Variants in POF1B observed in about 807,000 individuals in gnomAD.
The protein encoded by POF1B is POF1B actin binding protein, also known as protein POF1B.
Under a neutral mutation model 55.3 loss-of-function variants are expected in POF1B, and 53 were observed. The observed-to-expected ratio is 0.96, with a 90% CI of 0.77 to 1.20. POF1B has a LOEUF of 1.20. Among genes scored for constraint, POF1B ranks in the 50% most tolerant of loss-of-function variants. The pLI, the probability that POF1B is intolerant of heterozygous loss-of-function variation, is 0.00. For missense variants in POF1B, 478 were observed against 420.5 expected, an observed-to-expected ratio of 1.14 and a Z score of -1.20; for synonymous variants, 188 against 148.3, an observed-to-expected ratio of 1.27 and a Z score of -1.95.
chrX:85,296,131 T>C (rs1290371494), intron 15 of POF1B, among the ~76,000 whole-genome samples: 2 of 112,277 alleles, frequency 1.8e-5, no homozygotes, highest in African/African-American at 6.5e-5. Context: ...TGGGTGTCAC[T>C]GCCTGGGAGA....
intron 4 of POF1B, among the ~76,000 whole-genome samples, chrX:85,355,246 G>T (rs1933469335): frequency 9.0e-6 from 1 of 111,712 alleles, no homozygotes; most frequent in South Asian, 3.7e-4. Context: ...GGGAAAACTG[G>T]CTAGCCATAT....
chrX:85,376,028 C>G (rs1933914585), intron 2 of POF1B, among the ~76,000 whole-genome samples: 1 of 111,447 alleles, frequency 9.0e-6, no homozygotes, highest in South Asian at 3.8e-4. Context: ...GTATGTCTGT[C>G]CTAAAAATGA....
intron 15 of POF1B, among the ~76,000 whole-genome samples, chrX:85,299,200 T>C (rs1355144936): frequency 1.9e-5 from 2 of 104,892 alleles, no homozygotes; most frequent in African/African-American, 3.5e-5. Context: ...TCTTTTTTTT[T>C]TTTTTTTTTG....
intron 4 of POF1B, among the ~76,000 whole-genome samples, chrX:85,356,241 T>C (rs990979403): frequency 3.9e-5 from 4 of 102,619 alleles, no homozygotes; most frequent in Non-Finnish European, 5.9e-5. Context: ...TTCTCACTCA[T>C]AGGTGGGAAT....
In POF1B at chrX:85,379,348, G is replaced by C; in HGVS notation, c.107C>G (p.Ser36Ter). The change falls in exon 2 of 17, where the codon TCA (serine) becomes TGA (stop). Residue 36 changes from serine (S) to a stop codon, truncating the protein, a stop_gained. Coordinates refer to ENST00000262753, the MANE Select transcript of POF1B (RefSeq NM_024921.4). LOFTEE classifies it high-confidence loss of function. ...TTCTGGAGGCTGCTGGGCTTGGCTT[G>C]ACTGATGGTAGCAGTGGTAATGCTG... ...QPQHYHCYHQ[S>*]SQAQQPPEKN... is the part of the protein sequence containing the mutation. The C allele has an allele frequency of 8.3e-7, 1 of 1,210,263 alleles. No individual in the cohort carries two copies. The highest frequency in any genetic ancestry group is 3.0e-5 in the East Asian group (1 of 33,747).
At chrX:85,375,368 T>C (rs1358535787) in intron 2 of POF1B, among the ~76,000 whole-genome samples, 1 of 111,410 alleles carries the variant, frequency 9.0e-6, no homozygotes, top group Non-Finnish European at 1.9e-5. Flanking sequence ...CCCTCATATC[T>C]TGCCACACAC....
chrX:85,300,950 T>G (rs1932434007), intron 15 of POF1B, among the ~76,000 whole-genome samples: 4 of 111,677 alleles, frequency 3.6e-5, no homozygotes, highest in Admixed American at 1.9e-4. Flanking sequence ...ATCAACAAAT[T>G]GCAAAGAAGG....
At chrX:85,339,177 G>A (rs1195844912) in intron 6 of POF1B, among the ~76,000 whole-genome samples, 1 of 111,043 alleles carries the variant, frequency 9.0e-6, no homozygotes, top group Non-Finnish European at 1.9e-5. Flanking sequence ...ACCAAGCCAT[G>A]TCTTACATGG....
intron 5 of POF1B, among the ~76,000 whole-genome samples, chrX:85,346,249 G>A (rs959144752): frequency 9.2e-6 from 1 of 109,279 alleles, no homozygotes; most frequent in African/African-American, 3.3e-5. Context: ...TCAGGTTGTC[G>A]TGACCATCCG....
chrX:85,320,592 A>C (rs1748749412), intron 7 of POF1B, among the ~76,000 whole-genome samples: 2 of 111,731 alleles, frequency 1.8e-5, no homozygotes, highest in South Asian at 3.7e-4. Context: ...AACTAAAATC[A>C]GAGCAGAACT....
At chrX:85,361,100 C>T (rs1056301636) in intron 3 of POF1B, among the ~76,000 whole-genome samples, 6 of 111,200 alleles carry the variant, frequency 5.4e-5, no homozygotes, top group Admixed American at 2.9e-4. Flanking sequence ...TAAATTTGTG[C>T]AAGTTCCTTA....
intron 15 of POF1B, among the ~76,000 whole-genome samples, chrX:85,301,841 A>G (rs1414435205): frequency 8.9e-6 from 1 of 111,955 alleles, no homozygotes; most frequent in Non-Finnish European, 1.9e-5. Context: ...TAAATATTCC[A>G]GCTAAAAGCA....
At chrX:85,326,511 G>C (rs1932899181) in intron 7 of POF1B, among the ~76,000 whole-genome samples, 1 of 110,080 alleles carries the variant, frequency 9.1e-6, no homozygotes, top group Non-Finnish European at 1.9e-5. Context: ...TGCTAGACTA[G>C]TGGTCTCTGA....
chrX:85,333,936 A>T (rs898657875), intron 6 of POF1B, among the ~76,000 whole-genome samples: 6 of 93,849 alleles, frequency 6.4e-5, no homozygotes, highest in African/African-American at 2.3e-4. Flanking sequence ...TCCATAATCC[A>T]TTTGGGTTCA....
At chrX:85,289,104 A>G (rs1427501143) in intron 15 of POF1B, among the ~76,000 whole-genome samples, 2 of 111,032 alleles carry the variant, frequency 1.8e-5, no homozygotes, top group Non-Finnish European at 3.8e-5. Flanking sequence ...AGGGAAAGAG[A>G]TGGCTAAAAA....
intron 7 of POF1B, among the ~76,000 whole-genome samples, chrX:85,323,888 A>G (rs1184299887): frequency 1.8e-5 from 2 of 111,585 alleles, no homozygotes; most frequent in Non-Finnish European, 3.8e-5. Context: ...TGCTTTGTCT[A>G]TATCCCAGAG....
chrX:85,281,770 T>C (rs973019468), intron 16 of POF1B, among the ~76,000 whole-genome samples: 1 of 108,601 alleles, frequency 9.2e-6, no homozygotes, highest in African/African-American at 3.3e-5. Flanking sequence ...AAGTACCACA[T>C]GCAAGATTGC....
At chrX:85,368,278 G>T (rs1205875763) in intron 2 of POF1B, among the ~76,000 whole-genome samples, 9 of 110,831 alleles carry the variant, frequency 8.1e-5, no homozygotes, top group Non-Finnish European at 1.5e-4. Context: ...CTCATAAAAT[G>T]ATGTAAAATT....
intron 7 of POF1B, among the ~76,000 whole-genome samples, chrX:85,317,154 G>A (rs1009514563): frequency 7.3e-5 from 8 of 109,844 alleles, no homozygotes; most frequent in Admixed American, 1.9e-4. Context: ...ATTCCATGTC[G>A]TTGCTATTGT....
Sources: allele counts gnomAD v4.1 joint callset (sites outside exome capture counted in the v4.1 genomes callset), GRCh38; gene constraint gnomAD v4.1.1; transcripts MANE v1.5; gene names NCBI Gene and HGNC (gene_info 2026-07-23, HGNC 2026-07-21).